Variants in TRDN observed in about 807,000 individuals in gnomAD.
TRDN encodes the protein triadin, also known as triadin in skeletal muscle.
TRDN carries 161 observed loss-of-function variants against 149.7 expected under a neutral mutation model. That is an observed-to-expected ratio of 1.08 (90% CI 0.95 to 1.23). TRDN has a LOEUF of 1.23. Ranked by LOEUF, TRDN falls within the 50% of genes most tolerant of loss-of-function variation. The probability of loss-of-function intolerance (pLI) is 0.00; values close to 1 mark genes in which losing one functional copy is unlikely to be tolerated. For synonymous variants in TRDN, 294 were observed against 250.5 expected, an observed-to-expected ratio of 1.17 and a Z score of -1.64; for missense variants, 896 against 823.5, an observed-to-expected ratio of 1.09 and a Z score of -1.08.
At position 123,471,663 on chromosome 6, in the gene TRDN, T is replaced by C. The variant is rs1229097918; in HGVS notation, c.854-6680A>G. The stretch of plus-strand genomic sequence containing the variant: ...AAAGCTTCCCTAATATATTTCCACG[T>C]GTTATTACATATTTTCGTATTCACT... On this transcript the variant is annotated intron_variant, in intron 9 of 40. Coordinates refer to ENST00000334268, the MANE Select transcript of TRDN (RefSeq NM_006073.4). 3.3e-5 allele frequency: 5 copies of C among 152,208 alleles called. No homozygotes were observed. In the South Asian group the frequency reaches 1.0e-3, roughly 31 times the overall value. The allele number at this position is 152,208 out of a possible 1,614,324, so 9.4% of individuals were successfully genotyped here.
intron 9 of TRDN, among the ~76,000 whole-genome samples, chr6:123,474,212 G>C (rs1777340107): frequency 6.6e-6 from 1 of 151,952 alleles, no homozygotes. Flanking sequence ...CATATGCAGA[G>C]ACACACATAG....
At chr6:123,219,723 A>C (rs1775077702) in intron 40 of TRDN, among the ~76,000 whole-genome samples, 1 of 151,804 alleles carries the variant, frequency 6.6e-6, no homozygotes, top group Non-Finnish European at 1.5e-5. Flanking sequence ...AATGCATCTC[A>C]TCTGGAATGA....
At chr6:123,548,979 A>C (rs753439791) in intron 2 of TRDN, among the ~76,000 whole-genome samples, 3 of 152,096 alleles carry the variant, frequency 2.0e-5, no homozygotes, top group Non-Finnish European at 4.4e-5. Flanking sequence ...ATGGGACAGC[A>C]TTATAGAAAA....
intron 4 of TRDN, among the ~76,000 whole-genome samples, chr6:123,536,687 C>CAATA (rs143950900): frequency 0.41 from 53,574 of 129,574 alleles, 11,672 homozygotes; most frequent in East Asian, 0.7. Flanking sequence ...TCCATCTCTA[C>CAATA]AATAAATAAA....
At chr6:123,231,633 A>G (rs982697041) in intron 38 of TRDN, among the ~76,000 whole-genome samples, 8 of 152,070 alleles carry the variant, frequency 5.3e-5, no homozygotes, top group African/African-American at 1.9e-4. Flanking sequence ...CAAATTTACA[A>G]TGAAGAAATA....
At chr6:123,518,708 T>G (rs772424155) in intron 5 of TRDN, among the ~76,000 whole-genome samples, 16 of 152,172 alleles carry the variant, frequency 1.1e-4, no homozygotes, top group Non-Finnish European at 2.4e-4. Flanking sequence ...CCAGTTGAAG[T>G]GTTGATTTAC....
chr6:123,625,167 C>A (rs367597217), intron 1 of TRDN, among the ~76,000 whole-genome samples: 3 of 151,518 alleles, frequency 2.0e-5, no homozygotes, highest in Non-Finnish European at 4.4e-5. Flanking sequence ...ATGTGCACTG[C>A]GAATTACCAG....
intron 10 of TRDN, among the ~76,000 whole-genome samples, chr6:123,458,893 G>T (rs1056194699): frequency 1.3e-5 from 2 of 152,096 alleles, no homozygotes; most frequent in African/African-American, 4.8e-5. Flanking sequence ...GTTTAAAAAA[G>T]TTAAACAGAT....
At chr6:123,268,724 A>G (rs1777100532) in intron 31 of TRDN, among the ~76,000 whole-genome samples, 3 of 152,066 alleles carry the variant, frequency 2.0e-5, no homozygotes, top group African/African-American at 7.2e-5. Context: ...ATATTCGTAC[A>G]TTAGGAACTG....
At chr6:123,510,774 G>A (rs1779142804) in intron 7 of TRDN, among the ~76,000 whole-genome samples, 1 of 151,844 alleles carries the variant, frequency 6.6e-6, no homozygotes, top group South Asian at 2.1e-4. Context: ...CTTCTGAGTA[G>A]CTGGGATTAC....
chr6:123,522,517 C>CTTTTTTTTTTTT (rs375665403), intron 5 of TRDN, among the ~76,000 whole-genome samples: 2 of 87,228 alleles, frequency 2.3e-5, no homozygotes, highest in Non-Finnish European at 4.0e-5. Context: ...TGCGGTTCCT[C>CTTTTTTTTTTTT]TTTTTTTTTT....
rs1786351811 is a variant in TRDN, at chr6:123,636,861, G to A, written c.-86C>T. On this transcript the variant is annotated 5_prime_UTR_variant, in exon 1 of 41. Coordinates refer to ENST00000334268, the MANE Select transcript of TRDN (RefSeq NM_006073.4). Reference sequence around the variant, plus strand: ...ATTTGGGGATTTGAGAACTCTGGTGGAGGGTTCTGTGTCAAAACCTGGGGG... The same window carrying A: ...ATTTGGGGATTTGAGAACTCTGGTGAAGGGTTCTGTGTCAAAACCTGGGGG... The A allele has an allele frequency of 1.3e-6, 2 of 1,520,350 alleles. No homozygotes were observed. Among genetic ancestry groups the A allele is most frequent in the South Asian group, 2.3e-5 (2 of 88,822 alleles). The allele number at this position is 1,520,350 out of a possible 1,614,324, so 94.2% of individuals were successfully genotyped here.
chr6:123,237,008 C>T (rs1775810474), intron 38 of TRDN, among the ~76,000 whole-genome samples: 1 of 151,960 alleles, frequency 6.6e-6, no homozygotes, highest in Non-Finnish European at 1.5e-5. Flanking sequence ...GACCTCTTTG[C>T]TATGTTGAAT....
chr6:123,423,280 AT>A (rs1168725842), intron 12 of TRDN, among the ~76,000 whole-genome samples: 3 of 152,166 alleles, frequency 2.0e-5, no homozygotes, highest in African/African-American at 4.8e-5. Context: ...AGTTATAAAA[AT>A]TTTGAAATTT....
intron 14 of TRDN, among the ~76,000 whole-genome samples, chr6:123,383,580 T>C (rs1781799610): frequency 1.3e-5 from 2 of 152,186 alleles, no homozygotes; most frequent in South Asian, 2.1e-4. Context: ...ATTCATACAA[T>C]AGAAAAATAC....
intron 9 of TRDN, among the ~76,000 whole-genome samples, chr6:123,486,173 A>G (rs187729772): frequency 6.6e-6 from 1 of 152,162 alleles, no homozygotes; most frequent in East Asian, 1.9e-4. Flanking sequence ...ATATTTTCTG[A>G]AAGATTTTAC....
intron 39 of TRDN, 78 bp downstream of exon 39, chr6:123,224,015 A>G (rs1582738799): frequency 2.4e-5 from 2 of 81,730 alleles, no homozygotes; most frequent in Middle Eastern, 5.3e-3. Context: ...AATAGCTAGG[A>G]AAAAAAAAAA....
chr6:123,270,349 C>G (rs1777165064), intron 30 of TRDN, among the ~76,000 whole-genome samples: 1 of 151,868 alleles, frequency 6.6e-6, no homozygotes, highest in African/African-American at 2.4e-5. Flanking sequence ...TGGATCTCTC[C>G]TGAATTCTAT....
intron 9 of TRDN, among the ~76,000 whole-genome samples, chr6:123,494,180 A>C (rs1778335876): frequency 6.6e-6 from 1 of 152,154 alleles, no homozygotes; most frequent in Admixed American, 6.5e-5. Context: ...TAGAACTAGG[A>C]ATTATCTTCA....
Sources: gnomAD v4.1 joint callset for allele counts (sites outside exome capture counted in the v4.1 genomes callset) on GRCh38, gnomAD v4.1.1 for gene constraint, MANE v1.5 for transcripts, NCBI Gene and HGNC (gene_info 2026-07-23, HGNC 2026-07-21) for gene names.